SLCO3A1: variants seen among roughly 807,000 people sequenced by gnomAD.
The protein encoded by SLCO3A1 is PGE1 transporter.
A neutral mutation model predicts 63.1 loss-of-function variants in SLCO3A1; 27 were observed. That is an observed-to-expected ratio of 0.43 (90% CI 0.32 to 0.59). The LOEUF is 0.59. SLCO3A1 is among the 20% of genes least tolerant of loss of function. The pLI is 0.09. For synonymous variants in SLCO3A1, 473 were observed against 409.9 expected (o/e 1.15, Z -1.86); for missense variants, 773 against 945.8 (o/e 0.82, Z 2.40).
At chr15:91,936,481 C>T (rs527940758) in intron 2 of SLCO3A1, among the ~76,000 whole-genome samples, 4 of 152,300 alleles carry the variant, frequency 2.6e-5, no homozygotes, top group East Asian at 1.9e-4. Context: ...ACATTCCTGT[C>T]GCTGCAGAAA....
intron 7 of SLCO3A1, among the ~76,000 whole-genome samples, chr15:92,135,862 A>C (rs1023859390): frequency 1.3e-5 from 2 of 152,194 alleles, no homozygotes; most frequent in Non-Finnish European, 2.9e-5. Flanking sequence ...AACTCCCTTT[A>C]TGAACATTTC....
chr15:91,972,147 C>T (rs911764715), intron 2 of SLCO3A1, among the ~76,000 whole-genome samples: 1 of 152,022 alleles, frequency 6.6e-6, no homozygotes, highest in Admixed American at 6.6e-5. Context: ...AGCTCTATAC[C>T]TATGATACCA....
downstream of SLCO3A1, among the ~76,000 whole-genome samples, chr15:92,170,167 G>T (rs1353776350): frequency 6.6e-6 from 1 of 152,120 alleles, no homozygotes; most frequent in Non-Finnish European, 1.5e-5. Flanking sequence ...TGCTCTCATG[G>T]AGACATGTTT....
At chr15:92,056,710 C>A (rs1440871251) in intron 2 of SLCO3A1, among the ~76,000 whole-genome samples, 1 of 152,206 alleles carries the variant, frequency 6.6e-6, no homozygotes, top group East Asian at 1.9e-4. Context: ...TCTACCTTCA[C>A]TTTTCCGCTG....
intron 4 of SLCO3A1, among the ~76,000 whole-genome samples, chr15:92,106,403 CG>C (rs1789849882): frequency 6.6e-6 from 1 of 152,112 alleles, no homozygotes; most frequent in Admixed American, 6.5e-5. Flanking sequence ...AGGGTGCCTG[CG>C]ACTCCCCTAG....
chr15:92,087,232 T>A (rs996407347), intron 2 of SLCO3A1, among the ~76,000 whole-genome samples: 1 of 141,874 alleles, frequency 7.0e-6, no homozygotes, highest in Non-Finnish European at 1.5e-5. Flanking sequence ...TTTCCCCAAC[T>A]GTTTTGCAGT....
chr15:92,047,604 T>TATATATAA (rs2046903397), intron 2 of SLCO3A1, among the ~76,000 whole-genome samples: 1 of 56,396 alleles, frequency 1.8e-5, no homozygotes, highest in African/African-American at 5.2e-5. Flanking sequence ...ATATATAATA[T>TATATATAA]ATATATAATA....
chr15:92,143,139 A>G (rs2048157630), intron 7 of SLCO3A1, among the ~76,000 whole-genome samples: 1 of 150,302 alleles, frequency 6.7e-6, no homozygotes, highest in African/African-American at 2.5e-5. Flanking sequence ...TAGCCAAACA[A>G]GACCACAGCC....
At chr15:91,979,791 G>T (rs192547449) in intron 2 of SLCO3A1, among the ~76,000 whole-genome samples, 1 of 151,746 alleles carries the variant, frequency 6.6e-6, no homozygotes, top group East Asian at 1.9e-4. Context: ...GTAATGCCTT[G>T]CACCCAGTAT....
Position 91,915,984 on chromosome 15 carries a change from C to T in SLCO3A1, c.181-9C>T, listed in dbSNP as rs1898641766. ...GATTGGCTCTGACCTTTCTTCTTGC[C>T]CCCCTCAGGTGAGCGTCCTGACCAC... On this transcript the variant is annotated splice_polypyrimidine_tract_variant and intron_variant, in intron 1 of 9. Coordinates refer to ENST00000318445, the MANE Select transcript of SLCO3A1 (RefSeq NM_013272.4). 1.9e-6 allele frequency: 3 copies of T among 1,605,480 alleles called. No homozygotes were observed. The highest frequency in any genetic ancestry group is 1.7e-4 in the Middle Eastern group (1 of 6,032).
chr15:91,929,076 T>C (rs1899131887), intron 2 of SLCO3A1, among the ~76,000 whole-genome samples: 1 of 152,094 alleles, frequency 6.6e-6, no homozygotes, highest in Non-Finnish European at 1.5e-5. Context: ...GAACAAGAAG[T>C]AGAGATAATG....
intron 2 of SLCO3A1, among the ~76,000 whole-genome samples, chr15:91,995,960 A>G (rs2046187269): frequency 6.6e-6 from 1 of 152,196 alleles, no homozygotes; most frequent in Non-Finnish European, 1.5e-5. Flanking sequence ...GTGAACCTTT[A>G]TAATAGGAAT....
At chr15:92,104,581 G>A in intron 4 of SLCO3A1, 39 bp downstream of exon 4, 1 of 1,593,618 alleles carries the variant, frequency 6.3e-7, no homozygotes, top group Non-Finnish European at 8.5e-7. Flanking sequence ...AGAACAGTAG[G>A]GGGATTGGGA....
Position 91,863,578 on chromosome 15 carries a change from C to T in SLCO3A1, c.180+9490C>T, listed in dbSNP as rs1313309243. Among the ~76,000 whole-genome samples the T allele has an allele frequency of 6.6e-6, 1 of 152,228 alleles. No homozygotes were observed. Among genetic ancestry groups the T allele is most frequent in the Non-Finnish European group, 1.5e-5 (1 of 68,040 alleles). ...GTGTGGCACATCACACCATCCTCTT[C>T]TTGAAGCTATACATGCGTGGGGTGC... On this transcript the variant is annotated intron_variant, in intron 1 of 9. Transcript: ENST00000318445. This position sits in a 1 kb window ranked among gnomAD's most constrained non-coding sequence, Gnocchi z 4.3.
intron 2 of SLCO3A1, among the ~76,000 whole-genome samples, chr15:91,934,482 C>A (rs996488941): frequency 1.3e-5 from 2 of 152,138 alleles, no homozygotes; most frequent in Non-Finnish European, 2.9e-5. Context: ...AAAGCGGGTG[C>A]CCCATACCAC....
intron 2 of SLCO3A1, among the ~76,000 whole-genome samples, chr15:91,961,963 G>A (rs1900463868): frequency 6.6e-6 from 1 of 152,152 alleles, no homozygotes; most frequent in African/African-American, 2.4e-5. Context: ...CCCATCATGT[G>A]GGAGGAAACC....
chr15:91,863,038 A>G lies in SLCO3A1; in HGVS notation c.180+8950A>G, dbSNP rs1168193199. Reference sequence around the variant, plus strand: ...CTGCCCTCAGCTGATTATATAAGCTATAAAATACAGCACCTAAAGTCTTAT... The same window carrying G: ...CTGCCCTCAGCTGATTATATAAGCTGTAAAATACAGCACCTAAAGTCTTAT... On this transcript the variant is annotated intron_variant, in intron 1 of 9. Coordinates refer to ENST00000318445, the MANE Select transcript of SLCO3A1 (RefSeq NM_013272.4). This position sits in a 1 kb window ranked among gnomAD's most constrained non-coding sequence, Gnocchi z 4.3. Among the ~76,000 whole-genome samples the G allele has an allele frequency of 2.0e-5, 3 of 152,258 alleles. No homozygotes were observed. The highest frequency in any genetic ancestry group is 4.4e-5 in the Non-Finnish European group (3 of 68,036).
intron 4 of SLCO3A1, among the ~76,000 whole-genome samples, chr15:92,110,543 CT>C: frequency 6.6e-6 from 1 of 152,304 alleles, no homozygotes; most frequent in South Asian, 2.1e-4. Context: ...TCCTAGGACT[CT>C]GCATTCGTTC....
chr15:92,075,816 G>T (rs773568977), intron 2 of SLCO3A1, among the ~76,000 whole-genome samples: 1 of 152,180 alleles, frequency 6.6e-6, no homozygotes, highest in Non-Finnish European at 1.5e-5. Flanking sequence ...AGATGGTTCC[G>T]CCAGTTCTGT....
Sources: gnomAD v4.1 joint callset for allele counts (sites outside exome capture counted in the v4.1 genomes callset) on GRCh38, gnomAD v4.1.1 for gene constraint, Gnocchi (gnomAD v3.1) non-coding constraint, MANE v1.5 for transcripts, NCBI Gene and HGNC (gene_info 2026-07-23, HGNC 2026-07-21) for gene names.